Variants in UPF2 observed in about 807,000 individuals in gnomAD.
UPF2 encodes the protein UPF2 regulator of nonsense mediated mRNA decay.
Under a neutral mutation model 141.4 loss-of-function variants are expected in UPF2, and 17 were observed. The ratio of observed to expected loss-of-function variants is 0.12; its 90% confidence interval spans 0.08 to 0.18. UPF2 has a LOEUF of 0.18. Among genes scored for constraint, UPF2 ranks in the 10% least tolerant of loss-of-function variants. The pLI is 1.00. For missense variants in UPF2, 1,152 were observed against 1,515.9 expected (o/e 0.76, Z 3.99); for synonymous variants, 540 against 498.0 (o/e 1.08, Z -1.12).
intron 9 of UPF2, among the ~76,000 whole-genome samples, chr10:11,975,996 T>C (rs1293657023): frequency 6.6e-6 from 1 of 152,220 alleles, no homozygotes; most frequent in African/African-American, 2.4e-5. Flanking sequence ...CATGTCCTCA[T>C]AGCTGTCCAA....
chr10:12,001,807 T>A lies in UPF2; in HGVS notation c.1523A>T (p.Glu508Val), dbSNP rs745506323. Residue 508 changes from glutamate (E) to valine (V), a missense_variant, in exon 6 of 22, where the codon GAG (glutamate) becomes GTG (valine). Glu to Val is a moderately radical substitution (Grantham distance 121). This residue lies in a region of UPF2 where 739 missense variants were observed against 1,032.2 expected (regional missense o/e 0.72). Coordinates refer to ENST00000357604, the MANE Select transcript of UPF2 (RefSeq NM_015542.4). ...ATCGGGACTTGATACCTCCTTATTC[T>A]CCTTAGATTCTTTTGCCTCTGTTGA... ...DDTKEAKESK[E>V]NKEVSSPDDL... 1 of 1,596,230 alleles carries A rather than the reference T, an allele frequency of 6.3e-7. No individual in the cohort carries two copies. Among genetic ancestry groups the A allele is most frequent in the East Asian group, 2.3e-5 (1 of 44,322 alleles).
intron 15 of UPF2, 70 bp downstream of exon 15, chr10:11,951,996 T>C: frequency 6.6e-7 from 1 of 1,509,678 alleles, no homozygotes. Flanking sequence ...ACTGGTAACA[T>C]TATAAAGCAA....
At position 11,959,427 on chromosome 10, in the gene UPF2, A is replaced by G. The variant is rs1185043714; in HGVS notation, c.2185-71T>C. The G allele has an allele frequency of 1.7e-5, 25 of 1,441,554 alleles. No homozygotes were observed. The highest frequency in any genetic ancestry group is 1.9e-4 in the Middle Eastern group (1 of 5,182). 89.3% of individuals were successfully genotyped at this position (1,441,554 alleles called of 1,614,324 possible). ...TTCCTTTACTCCTAACTAAACTTCT[A>G]TTCTCAGTGATTTGCTATTTCAAAG... On this transcript the variant is annotated intron_variant, in intron 11 of 21. Transcript: ENST00000357604. This position sits in a 1 kb window ranked among gnomAD's most constrained non-coding sequence, Gnocchi z 5.9.
At position 12,033,515 on chromosome 10, in the gene UPF2, G is replaced by A. The variant is rs542077101; in HGVS notation, c.365+1544C>T. Among the ~76,000 whole-genome samples the A allele has an allele frequency of 2.0e-5, 3 of 152,272 alleles. No homozygotes were observed. The South Asian group carries it at 6.2e-4, about 32-fold the overall frequency. ...ACCACTACACTCCAGCCTGGCTGGA[G>A]TTTGTTGAGCTCTTGTTATGTTACC... On this transcript the variant is annotated intron_variant, in intron 2 of 21. Transcript: ENST00000357604.
chr10:12,003,281 G>A (rs900970427), intron 5 of UPF2, among the ~76,000 whole-genome samples: 3 of 152,124 alleles, frequency 2.0e-5, no homozygotes, highest in Non-Finnish European at 2.9e-5. Flanking sequence ...TCAGAATGAC[G>A]CTAAGCTGTC....
chr10:11,953,267 G>A lies in UPF2; in HGVS notation c.2851-1018C>T, dbSNP rs1833100815. On this transcript the variant is annotated intron_variant, in intron 14 of 21. Coordinates refer to ENST00000357604, the MANE Select transcript of UPF2 (RefSeq NM_015542.4). The surrounding 1 kb of genome is among the most constrained non-coding windows in gnomAD (Gnocchi z 5.0). Reference sequence around the variant, plus strand: ...CTCCAAGTGTGGACCTCATCTGGGAGCTTCTTAGAAATGTAGAATCTCAGG... The same window carrying A: ...CTCCAAGTGTGGACCTCATCTGGGAACTTCTTAGAAATGTAGAATCTCAGG... 6.6e-6 allele frequency among the ~76,000 whole-genome samples: 1 copy of A among 152,206 alleles called. No individual in the cohort carries two copies. Among genetic ancestry groups the A allele is most frequent in the Admixed American group, 6.5e-5 (1 of 15,274 alleles).
In UPF2 at chr10:11,953,060, T is replaced by C. The variant is rs969101672; in HGVS notation, c.2851-811A>G. ...ATTTATTGAATATCTACTGTGTATATGGCATGGTGTGGATATTTTCCCTCT... is the reference window on the plus strand; with the variant it reads ...ATTTATTGAATATCTACTGTGTATACGGCATGGTGTGGATATTTTCCCTCT... On this transcript the variant is annotated intron_variant, in intron 14 of 21. Coordinates refer to ENST00000357604, the MANE Select transcript of UPF2 (RefSeq NM_015542.4). This position sits in a 1 kb window ranked among gnomAD's most constrained non-coding sequence, Gnocchi z 5.0. Among the ~76,000 whole-genome samples, 1 of 152,230 alleles carries C rather than the reference T, an allele frequency of 6.6e-6. No individual in the cohort carries two copies.
rs546660227 is a variant in UPF2 at position 12,008,830 on chromosome 10, C to T, written c.1307-4103G>A. On this transcript the variant is annotated intron_variant, in intron 4 of 21. Coordinates refer to ENST00000357604, the MANE Select transcript of UPF2 (RefSeq NM_015542.4). Reference sequence around the variant, plus strand: ...CATGCATTAGGTATTTGTCCTAATGCTCTCCCTCCCCTTACCCCCAACCTC... The same window carrying T: ...CATGCATTAGGTATTTGTCCTAATGTTCTCCCTCCCCTTACCCCCAACCTC... Among the ~76,000 whole-genome samples, 17 of 152,118 alleles carry T rather than the reference C, an allele frequency of 1.1e-4. No homozygotes were observed. In the East Asian group the frequency reaches 2.9e-3, roughly 26 times the overall value.
Position 11,959,074 on chromosome 10 carries a change from C to CTTGA in UPF2, c.2370+93_2370+96dup. 1 of 1,209,044 alleles carries CTTGA rather than the reference C, an allele frequency of 8.3e-7. No homozygotes were observed. The highest frequency in any genetic ancestry group is 2.6e-5 in the East Asian group (1 of 38,486). The allele number at this position is 1,209,044 out of a possible 1,614,324, so 74.9% of individuals were successfully genotyped here. On this transcript the variant is annotated intron_variant, in intron 12 of 21. Coordinates refer to ENST00000357604, the MANE Select transcript of UPF2 (RefSeq NM_015542.4). The surrounding 1 kb of genome is among the most constrained non-coding windows in gnomAD (Gnocchi z 5.9). ...TTACACAGAGCTGATTATAAAGGAA[C>CTTGA]TTGAGCTCTACCCCCACTTCTCCTA...
At position 11,978,525 on chromosome 10, in the gene UPF2, G is replaced by T. The variant is rs1483138260; in HGVS notation, c.1953+532C>A. Among the ~76,000 whole-genome samples, 7 of 152,186 alleles carry T rather than the reference G, an allele frequency of 4.6e-5. No individual in the cohort carries two copies. The East Asian group carries it at 1.4e-3, about 29-fold the overall frequency. Reference sequence around the variant, plus strand: ...AGGAAGGGAAGCCATCTGGTAACAGGCCCCTGTTATTTCCCAGGGTGATCT... The same window carrying T: ...AGGAAGGGAAGCCATCTGGTAACAGTCCCCTGTTATTTCCCAGGGTGATCT... On this transcript the variant is annotated intron_variant, in intron 9 of 21. Transcript: ENST00000357604.
chr10:12,003,361 A>C (rs969909393), intron 5 of UPF2, among the ~76,000 whole-genome samples: 2 of 152,248 alleles, frequency 1.3e-5, no homozygotes, highest in Non-Finnish European at 2.9e-5. Context: ...TGAGGAAATT[A>C]AACTAATATG....
intron 3 of UPF2, among the ~76,000 whole-genome samples, chr10:12,028,037 A>ACT (rs374686328): frequency 1.3e-5 from 2 of 152,312 alleles, no homozygotes; most frequent in African/African-American, 4.8e-5. Context: ...AATGCCTAGC[A>ACT]ACTCCATCAA....
chr10:12,002,207 A>G (rs1385156334), intron 5 of UPF2, among the ~76,000 whole-genome samples: 1 of 152,120 alleles, frequency 6.6e-6, no homozygotes, highest in Non-Finnish European at 1.5e-5. Flanking sequence ...GGAGGTGGAG[A>G]CTGCAGTGAG....
chr10:11,977,197 G>T (rs12569502), intron 9 of UPF2, among the ~76,000 whole-genome samples: 1 of 152,212 alleles, frequency 6.6e-6, no homozygotes, highest in Non-Finnish European at 1.5e-5. Context: ...AAATGAAATA[G>T]TTGCAGCGGG....
chr10:11,921,471 GA>G lies in UPF2; in HGVS notation c.3810-165del, dbSNP rs1564331511. 6.6e-6 allele frequency among the ~76,000 whole-genome samples: 1 copy of G among 151,622 alleles called. No individual in the cohort carries two copies. The highest frequency in any genetic ancestry group is 2.4e-5 in the African/African-American group (1 of 41,278). ...ATCCATGGACCAAAAATATTCGGGGGAAAAAAACCCAAACAATAAAAAATAA... is the reference window on the plus strand; with the variant it reads ...ATCCATGGACCAAAAATATTCGGGGGAAAAAACCCAAACAATAAAAAATAA... On this transcript the variant is annotated intron_variant, in intron 21 of 21. Transcript: ENST00000357604. This position sits in a 1 kb window ranked among gnomAD's most constrained non-coding sequence, Gnocchi z 5.9.
At chr10:12,037,650 C>T (rs1364371503) in intron 1 of UPF2, among the ~76,000 whole-genome samples, 2 of 152,000 alleles carry the variant, frequency 1.3e-5, no homozygotes, top group Admixed American at 6.6e-5. Flanking sequence ...GACTTGGCCT[C>T]CCAAAGTGCA....
rs1367017478 is a variant in UPF2 at position 11,953,030 on chromosome 10, C to T, written c.2851-781G>A. The stretch of plus-strand genomic sequence containing the variant: ...ATATATAAAAATCACTAATCATCAA[C>T]AAGCATTTATTGAATATCTACTGTG... On this transcript the variant is annotated intron_variant, in intron 14 of 21. Transcript: ENST00000357604. This position sits in a 1 kb window ranked among gnomAD's most constrained non-coding sequence, Gnocchi z 5.0. 6.6e-6 allele frequency among the ~76,000 whole-genome samples: 1 copy of T among 152,156 alleles called. No homozygotes were observed. The highest frequency in any genetic ancestry group is 1.5e-5 in the Non-Finnish European group (1 of 68,028).
At chr10:12,022,095 G>A (rs775394465) in intron 3 of UPF2, among the ~76,000 whole-genome samples, 10 of 151,180 alleles carry the variant, frequency 6.6e-5, no homozygotes, top group Non-Finnish European at 1.2e-4. Context: ...AGCCAGGATC[G>A]CGCCACTGCA....
At chr10:12,040,762 T>G (rs1834722591) in intron 1 of UPF2, among the ~76,000 whole-genome samples, 1 of 152,216 alleles carries the variant, frequency 6.6e-6, no homozygotes, top group Admixed American at 6.5e-5. Flanking sequence ...AGTCCACTTA[T>G]TTATCAATAA....
Sources: gnomAD v4.1 joint callset for allele counts (sites outside exome capture counted in the v4.1 genomes callset) on GRCh38, gnomAD v4.1.1 for gene constraint, gnomAD v4.1.1 regional missense constraint, Gnocchi (gnomAD v3.1) non-coding constraint, MANE v1.5 for transcripts, NCBI Gene and HGNC (gene_info 2026-07-23, HGNC 2026-07-21) for gene names.